NCOR2: variants seen among roughly 807,000 people sequenced by gnomAD.
NCOR2 encodes the protein CTG repeat protein 26.
A neutral mutation model predicts 262.9 loss-of-function variants in NCOR2; 81 were observed. The observed-to-expected ratio is 0.31, with a 90% CI of 0.26 to 0.37. The LOEUF is 0.37. NCOR2 is among the 10% of genes least tolerant of loss of function. The pLI is 1.00. For synonymous variants in NCOR2, 1,659 were observed against 1,559.3 expected, an observed-to-expected ratio of 1.06 and a Z score of -1.51; for missense variants, 3,385 against 3,621.4, an observed-to-expected ratio of 0.93 and a Z score of 1.68.
At chr12:124,362,378 G>T in intron 21 of NCOR2, 81 bp from the exon 24 acceptor site, 1 of 1,268,682 alleles carries the variant, frequency 7.9e-7, no homozygotes, top group Non-Finnish European at 1.0e-6. Context: ...CACGCGACCA[G>T]CCTGGAAACC....
intron 10 of NCOR2, among the ~76,000 whole-genome samples, chr12:124,427,650 AT>A (rs1391436930): frequency 2.0e-5 from 3 of 152,146 alleles, no homozygotes; most frequent in Non-Finnish European, 4.4e-5. Flanking sequence ...GTGGGAGAGA[AT>A]CCCCCCAAGA....
intron 7 of NCOR2, among the ~76,000 whole-genome samples, chr12:124,447,881 C>G (rs1284590166): frequency 6.6e-6 from 1 of 151,956 alleles, no homozygotes; most frequent in East Asian, 1.9e-4. Flanking sequence ...TCAATTTTTG[C>G]TATGTTTGGC....
At chr12:124,552,851 T>G (rs2051756279) in intron 1 of NCOR2, among the ~76,000 whole-genome samples, 1 of 151,660 alleles carries the variant, frequency 6.6e-6, no homozygotes, top group Non-Finnish European at 1.5e-5. Context: ...CCAGCTAGTT[T>G]TCTATGTTTT....
chr12:124,344,079 G>A (rs547330233), intron 32 of NCOR2, among the ~76,000 whole-genome samples: 1 of 152,212 alleles, frequency 6.6e-6, no homozygotes, highest in Non-Finnish European at 1.5e-5. Flanking sequence ...GGACATGGCA[G>A]GCAGAGAGGA....
intron 18 of NCOR2, among the ~76,000 whole-genome samples, chr12:124,377,768 G>A (rs2040120497): frequency 2.0e-5 from 3 of 151,800 alleles, no homozygotes; most frequent in Non-Finnish European, 2.9e-5. Flanking sequence ...GAACCCGAGA[G>A]GCAGAGGTTA....
At chr12:124,330,938 CTG>C in intron 43 of NCOR2, 40 bp from the exon 46 acceptor site, 1 of 1,559,174 alleles carries the variant, frequency 6.4e-7, no homozygotes, top group Non-Finnish European at 8.7e-7. Flanking sequence ...CCCCAGGTCT[CTG>C]GGAATTACCT....
At chr12:124,409,601 G>T (rs913671541) in intron 13 of NCOR2, among the ~76,000 whole-genome samples, 1 of 152,040 alleles carries the variant, frequency 6.6e-6, no homozygotes, top group Non-Finnish European at 1.5e-5. Flanking sequence ...GTCAGCTCCA[G>T]GGACCTTGTT....
At position 124,476,996 on chromosome 12, in the gene NCOR2, A is replaced by C. The variant is rs138612490; in HGVS notation, c.412-3865T>G. 2.0e-5 allele frequency among the ~76,000 whole-genome samples: 3 copies of C among 152,192 alleles called. No homozygotes were observed. In the East Asian group the frequency reaches 5.8e-4, roughly 29 times the overall value. On this transcript the variant is annotated intron_variant, in intron 3 of 46. Coordinates refer to ENST00000405201, the Ensembl canonical transcript of NCOR2. ...ATGCTGAGTGGAAGTGGACAGACAT[A>C]AAAGGCTGCAGAGTGTACAATTCCA... is the stretch of plus-strand genomic sequence containing the variant.
intron 44 of NCOR2, chr12:124,328,502 T>G (rs1304081892): frequency 2.0e-5 from 3 of 152,292 alleles, no homozygotes; most frequent in Admixed American, 1.3e-4. Context: ...CGGGGAAACC[T>G]CCTTTTCTGT....
rs371641181 is a variant in NCOR2 at position 124,336,838 on chromosome 12, C to T, written c.6030G>A (p.Ala2010=). Residue 2010 remains alanine, a synonymous_variant, in exon 38 of 47, where the codon GCG becomes GCA. Transcript: ENST00000405201. ...GCGGGTCCGAGGCCGAGGCAGGTGG[C>T]GCCGGCGGGTCCGGGCTGGCGTGGT... 8.1e-5 allele frequency: 131 copies of T among 1,612,192 alleles called. 1 individual carries two copies. Among genetic ancestry groups the T allele is most frequent in the East Asian group, 4.9e-4 (22 of 44,810 alleles).
chr12:124,383,747 G>A, intron 17 of NCOR2, among the ~76,000 whole-genome samples: 1 of 152,252 alleles, frequency 6.6e-6, no homozygotes, highest in Non-Finnish European at 1.5e-5. Context: ...CTACCTTACA[G>A]ATGGGGAAAC....
At chr12:124,335,818 G>T in intron 38 of NCOR2, 186 bp from the exon 41 acceptor site, 1 of 628,102 alleles carries the variant, frequency 1.6e-6, no homozygotes, top group Non-Finnish European at 2.7e-6. Context: ...GGGAGGCCAA[G>T]GGAGAGGTGG....
chr12:124,501,209 C>T (rs1029323823), intron 1 of NCOR2, among the ~76,000 whole-genome samples: 4 of 152,084 alleles, frequency 2.6e-5, no homozygotes, highest in African/African-American at 9.7e-5. Flanking sequence ...ACTGTCCCAG[C>T]CTGGCCCTGC....
intron 22 of NCOR2, among the ~76,000 whole-genome samples, chr12:124,360,601 C>T (rs1305714306): frequency 6.6e-6 from 1 of 152,230 alleles, no homozygotes; most frequent in Non-Finnish European, 1.5e-5. Flanking sequence ...ATCCACTGCC[C>T]GCTGTGGCCT....
intron 8 of NCOR2, among the ~76,000 whole-genome samples, chr12:124,433,504 G>C (rs2044104445): frequency 6.6e-6 from 1 of 152,208 alleles, no homozygotes; most frequent in Admixed American, 6.5e-5. Context: ...GCTCTAGCTG[G>C]GTCCCTCGTG....
Position 124,400,840 on chromosome 12 carries a change from A to G in NCOR2, c.1641-167T>C, listed in dbSNP as rs578103912. On this transcript the variant is annotated intron_variant, in intron 14 of 46. Coordinates refer to ENST00000405201, the Ensembl canonical transcript of NCOR2. ...GCCTGAGGTGAGGGTGGCCAGGGGC[A>G]AGTCTGCAGGGGCTCCATGTTCACC... Among the ~76,000 whole-genome samples, 4 of 152,310 alleles carry G rather than the reference A, an allele frequency of 2.6e-5. No individual in the cohort carries two copies. In the East Asian group the frequency reaches 7.7e-4, roughly 29 times the overall value.
At chr12:124,392,157 GGA>G (rs1448812852) in intron 16 of NCOR2, among the ~76,000 whole-genome samples, 2 of 152,238 alleles carry the variant, frequency 1.3e-5, no homozygotes, top group Non-Finnish European at 2.9e-5. Context: ...CCCTGAGTCA[GGA>G]GCCATGTGGA....
Position 124,483,837 on chromosome 12 carries a change from C to A in NCOR2, c.234-64G>T, listed in dbSNP as rs541734537. 4 of 1,459,406 alleles carry A rather than the reference C, an allele frequency of 2.7e-6. No homozygotes were observed. Among genetic ancestry groups the A allele is most frequent in the Non-Finnish European group, 3.6e-6 (4 of 1,101,588 alleles). 90.4% of individuals were successfully genotyped at this position (1,459,406 alleles called of 1,614,324 possible). A position where few individuals can be genotyped will look rare whatever the true frequency, so the allele number is the denominator to read the frequency against. ...GCGGCTCTGAGAACTCCCGAGGCCC[C>A]GACCACCCTCTGCGCCGAGCATCTA... is the stretch of plus-strand genomic sequence containing the variant. On this transcript the variant is annotated intron_variant, in intron 2 of 46. Transcript: ENST00000405201. The surrounding 1 kb of genome is among the most constrained non-coding windows in gnomAD (Gnocchi z 6.3).
chr12:124,483,346 G>A lies in NCOR2; in HGVS notation c.411+250C>T, dbSNP rs1039764866. Among the ~76,000 whole-genome samples the A allele has an allele frequency of 2.0e-5, 3 of 152,004 alleles. No homozygotes were observed. Among genetic ancestry groups the A allele is most frequent in the Non-Finnish European group, 4.4e-5 (3 of 67,970 alleles). On this transcript the variant is annotated intron_variant, in intron 3 of 46. Transcript: ENST00000405201. The surrounding 1 kb of genome is among the most constrained non-coding windows in gnomAD (Gnocchi z 6.3). ...GACCACAAGCCTATTCCTGCCCCAG[G>A]GCCTTTGCACTTGCTGCTCTGCCCA...
Sources: gnomAD v4.1 joint callset for allele counts (sites outside exome capture counted in the v4.1 genomes callset) on GRCh38, gnomAD v4.1.1 for gene constraint, Gnocchi (gnomAD v3.1) non-coding constraint, MANE v1.5 for transcripts, NCBI Gene and HGNC (gene_info 2026-07-23, HGNC 2026-07-21) for gene names.